The following GUCY1A1 variants were observed in gnomAD, a reference collection of about 807,000 sequenced individuals.
The protein encoded by GUCY1A1 is guanylate cyclase soluble subunit alpha-1.
Under a neutral mutation model 64.5 loss-of-function variants are expected in GUCY1A1, and 48 were observed. The ratio of observed to expected loss-of-function variants is 0.74; its 90% CI spans 0.59 to 0.95. The LOEUF is 0.95. Ranked by LOEUF, GUCY1A1 falls within the 40% of genes least tolerant of loss-of-function variation. The pLI is 0.00. For synonymous variants in GUCY1A1, 308 were observed against 303.4 expected (o/e 1.02, Z -0.16); for missense variants, 804 against 825.3 (o/e 0.97, Z 0.32).
chr4:155,666,958 T>A lies in GUCY1A1; in HGVS notation c.-194T>A, dbSNP rs1733380884. On this transcript the variant is annotated 5_prime_UTR_variant, in exon 1 of 10. Coordinates refer to ENST00000506455, the MANE Select transcript of GUCY1A1 (RefSeq NM_001130682.3). ...TTAGAGACCCCAGCCGGGCGTGATC[T>A]CACCATGGTGCGTTTTGGCTGCTAC... is the stretch of plus-strand genomic sequence containing the variant. 1 of 152,402 alleles carries A rather than the reference T, an allele frequency of 6.6e-6. No homozygotes were observed. Among genetic ancestry groups the A allele is most frequent in the South Asian group, 2.1e-4 (1 of 4,828 alleles). The allele number at this position is 152,402 out of a possible 1,614,324, so 9.4% of individuals were successfully genotyped here. A position where few individuals can be genotyped will look rare whatever the true frequency, so the allele number is the denominator to read the frequency against.
At position 155,716,552 on chromosome 4, in the gene GUCY1A1, GT is replaced by G. The variant is rs1361595944; in HGVS notation, c.1573-602del. On this transcript the variant is annotated intron_variant, in intron 7 of 9. Coordinates refer to ENST00000506455, the MANE Select transcript of GUCY1A1 (RefSeq NM_001130682.3). ...CAGTGGTCTTTCAAACACCACCGTT[GT>G]TTTTACCTGCTGGTTCAACATCTTG... is the stretch of plus-strand genomic sequence containing the variant. Among the ~76,000 whole-genome samples, 24 of 152,184 alleles carry G rather than the reference GT, an allele frequency of 1.6e-4. No homozygotes were observed. The East Asian group carries it at 4.4e-3, about 28-fold the overall frequency.
intron 9 of GUCY1A1, chr4:155,722,422 T>C (rs1734088459): frequency 2.2e-6 from 3 of 1,350,490 alleles, no homozygotes; most frequent in Middle Eastern, 2.8e-4. Flanking sequence ...CCATGACAGA[T>C]ATTACATAGT....
Position 155,713,329 on chromosome 4 carries a change from C to T in GUCY1A1, c.1318C>T (p.His440Tyr). The T allele has an allele frequency of 6.2e-7, 1 of 1,614,154 alleles. No homozygotes were observed. Among genetic ancestry groups the T allele is most frequent in the Non-Finnish European group, 8.5e-7 (1 of 1,180,030 alleles). The stretch of plus-strand genomic sequence containing the variant: ...GCTGAAGGCTACCCTTGAGCAAGCC[C>T]ACCAAGCCCTGGAGGAGGAGAAGAA... Reference protein sequence around the residue: ...GKLKATLEQAHQALEEEKKKT... With the variant: ...GKLKATLEQAYQALEEEKKKT... The change falls in exon 7 of 10, where the codon CAC becomes TAC. Residue 440 changes from histidine to tyrosine, a missense_variant. By Grantham distance (83) the His-to-Tyr change is moderately conservative. Transcript: ENST00000506455.
At position 155,711,030 on chromosome 4, in the gene GUCY1A1, C is replaced by T; in HGVS notation, c.865C>T (p.His289Tyr). The part of the protein sequence containing the change: ...TSLFCKTFPF[H>Y]FMFDKDMTIL... ...GCTATTCTGCAAGACATTTCCATTCCATTTCATGTTTGACAAAGATATGAC... is the reference window on the plus strand; with the variant it reads ...GCTATTCTGCAAGACATTTCCATTCTATTTCATGTTTGACAAAGATATGAC... The change falls in exon 6 of 10, where the codon CAT (histidine) becomes TAT (tyrosine). Residue 289 changes from histidine (H) to tyrosine (Y), a missense_variant. Transcript: ENST00000506455. 1.2e-6 allele frequency: 2 copies of T among 1,613,896 alleles called. No homozygotes were observed. The highest frequency in any genetic ancestry group is 1.7e-6 in the Non-Finnish European group (2 of 1,179,784).
intron 2 of GUCY1A1, among the ~76,000 whole-genome samples, chr4:155,688,823 A>T (rs1330992785): frequency 1.3e-5 from 2 of 152,154 alleles, no homozygotes; most frequent in African/African-American, 4.8e-5. Flanking sequence ...TCCCCAAAAT[A>T]TAAAAGTTTA....
At chr4:155,699,413 A>T (rs1047115389) in intron 3 of GUCY1A1, among the ~76,000 whole-genome samples, 4 of 152,138 alleles carry the variant, frequency 2.6e-5, no homozygotes, top group Non-Finnish European at 5.9e-5. Flanking sequence ...AGGATGCAAT[A>T]CCAAATTAAA....
chr4:155,697,796 C>G (rs541374078), intron 3 of GUCY1A1, among the ~76,000 whole-genome samples: 24 of 152,264 alleles, frequency 1.6e-4, no homozygotes, highest in African/African-American at 5.8e-4. Context: ...ATGTTGAGAT[C>G]TAGAGCACCT....
chr4:155,701,179 T>C (rs1022226171), intron 3 of GUCY1A1, among the ~76,000 whole-genome samples: 1 of 152,226 alleles, frequency 6.6e-6, no homozygotes, highest in African/African-American at 2.4e-5. Context: ...TTATGGGTTT[T>C]GTTTTGAATT....
At chr4:155,704,491 G>A (rs1731480464) in intron 4 of GUCY1A1, among the ~76,000 whole-genome samples, 1 of 151,886 alleles carries the variant, frequency 6.6e-6, no homozygotes, top group African/African-American at 2.4e-5. Flanking sequence ...TAATACTTTA[G>A]TATCTGCATC....
chr4:155,672,879 A>G (rs1734336702), intron 2 of GUCY1A1, among the ~76,000 whole-genome samples: 1 of 152,184 alleles, frequency 6.6e-6, no homozygotes, highest in African/African-American at 2.4e-5. Context: ...TAATTTCTCC[A>G]AATTAATGGA....
intron 2 of GUCY1A1, among the ~76,000 whole-genome samples, chr4:155,680,897 C>G (rs187874643): frequency 6.6e-6 from 1 of 150,492 alleles, no homozygotes; most frequent in Non-Finnish European, 1.5e-5. Context: ...GAGTTTGAAT[C>G]TGTGTTGTTC....
chr4:155,703,944 A>G lies in GUCY1A1; in HGVS notation c.268A>G (p.Asn90Asp). 1 of 1,605,206 alleles carries G rather than the reference A, an allele frequency of 6.2e-7. No individual in the cohort carries two copies. The highest frequency in any genetic ancestry group is 8.5e-7 in the Non-Finnish European group (1 of 1,174,574). Reference protein sequence around the residue: ...KLIFPEFERLNVALQRTLAKH... With the variant: ...KLIFPEFERLDVALQRTLAKH... ...TTTGAACTTTCAGTTTGAACGGCTGAATGTTGCACTTCAGAGAACATTGGC... is the reference window on the plus strand; with the variant it reads ...TTTGAACTTTCAGTTTGAACGGCTGGATGTTGCACTTCAGAGAACATTGGC... The change falls in exon 4 of 10, where the codon AAT becomes GAT. Residue 90 changes from asparagine (N) to aspartate (D), a missense_variant. Asn to Asp is a conservative substitution (Grantham distance 23, BLOSUM62 1). Coordinates refer to ENST00000506455, the MANE Select transcript of GUCY1A1 (RefSeq NM_001130682.3).
chr4:155,727,348 G>A (rs1734841560), intron 9 of GUCY1A1, among the ~76,000 whole-genome samples: 1 of 151,808 alleles, frequency 6.6e-6, no homozygotes, highest in Non-Finnish European at 1.5e-5. Context: ...TGTCTGTTAA[G>A]TGTCTTTAAA....
intron 3 of GUCY1A1, among the ~76,000 whole-genome samples, chr4:155,700,464 C>T (rs1297528452): frequency 6.6e-6 from 1 of 152,176 alleles, no homozygotes; most frequent in African/African-American, 2.4e-5. Context: ...CCATAAACCA[C>T]ACCAATGATA....
In GUCY1A1 at chr4:155,694,008, A is replaced by G. The variant is rs564831127; in HGVS notation, c.-112-2748A>G. On this transcript the variant is annotated intron_variant, in intron 2 of 9. Coordinates refer to ENST00000506455, the MANE Select transcript of GUCY1A1 (RefSeq NM_001130682.3). Reference sequence around the variant, plus strand: ...ACCAGAATAATTCGTTTTAGTAATAATTCTATGCCATCCTCAGACCTAACC... The same window carrying G: ...ACCAGAATAATTCGTTTTAGTAATAGTTCTATGCCATCCTCAGACCTAACC... 2.6e-5 allele frequency among the ~76,000 whole-genome samples: 4 copies of G among 152,310 alleles called. No homozygotes were observed. The East Asian group carries it at 7.7e-4, about 29-fold the overall frequency.
chr4:155,691,100 A>G (rs558294775), intron 2 of GUCY1A1, among the ~76,000 whole-genome samples: 5 of 152,250 alleles, frequency 3.3e-5, no homozygotes, highest in Non-Finnish European at 7.3e-5. Flanking sequence ...AATTTAATAA[A>G]GAGATATCAG....
intron 4 of GUCY1A1, among the ~76,000 whole-genome samples, chr4:155,704,848 C>G (rs1731527025): frequency 6.6e-6 from 1 of 152,090 alleles, no homozygotes; most frequent in African/African-American, 2.4e-5. Flanking sequence ...TCCCAAAAAA[C>G]TGAGATTAAG....
intron 2 of GUCY1A1, among the ~76,000 whole-genome samples, chr4:155,679,656 C>G (rs1445872659): frequency 2.0e-5 from 3 of 152,228 alleles, no homozygotes; most frequent in Admixed American, 1.3e-4. Flanking sequence ...TCCCATTTCA[C>G]TCCACATTCA....
chr4:155,691,183 C>A (rs1429059067), intron 2 of GUCY1A1, among the ~76,000 whole-genome samples: 2 of 152,090 alleles, frequency 1.3e-5, no homozygotes, highest in Admixed American at 1.3e-4. Context: ...GAACACAGCC[C>A]ATAAAGCCAA....
Sources: allele counts gnomAD v4.1 joint callset (sites outside exome capture counted in the v4.1 genomes callset), GRCh38; gene constraint gnomAD v4.1.1; transcripts MANE v1.5; gene names NCBI Gene and HGNC (gene_info 2026-07-23, HGNC 2026-07-21).